Variants in COA1 observed in about 807,000 individuals in gnomAD.
COA1 encodes the protein cytochrome c oxidase assembly factor 1, also known as cytochrome c oxidase assembly factor 1 homolog.
A neutral mutation model predicts 16.0 loss-of-function variants in COA1; 13 were observed. The observed-to-expected ratio is 0.81, with a 90% confidence interval of 0.53 to 1.29. The LOEUF is 1.29. Among genes scored for constraint, COA1 ranks in the 50% most tolerant of loss-of-function variants. The probability of loss-of-function intolerance (pLI) is 0.00; values close to 1 mark genes in which losing one functional copy is unlikely to be tolerated. For missense variants in COA1, 179 were observed against 177.0 expected (o/e 1.01, Z -0.06); for synonymous variants, 65 against 65.7 (o/e 0.99, Z 0.05).
rs1271233453 is a variant in COA1, at chr7:43,691,277, G to GAAAAGA, written c.-39+38151_-39+38152insTCTTTT. 6.0e-3 allele frequency among the ~76,000 whole-genome samples: 176 copies of GAAAAGA among 29,402 alleles called. 6 individuals are homozygous for GAAAAGA. Among genetic ancestry groups the GAAAAGA allele is most frequent in the Middle Eastern group, 0.017 (1 of 58 alleles). 19.3% of individuals were successfully genotyped at this position (29,402 alleles called of 152,430 possible). ...AAAAGAAAGAAAGAAAAGAAAGAAAGAAAGAAAGAAAGAAAGAAAGAAAGA... is the reference window on the plus strand; with the variant it reads ...AAAAGAAAGAAAGAAAAGAAAGAAAGAAAAGAAAAGAAAGAAAGAAAGAAAGAAAGA... On this transcript the variant is annotated intron_variant, in intron 1 of 5. Transcript: ENST00000223336.
chr7:43,625,169 A>G (rs1404454298), intron 6 of COA1: 1 of 204,116 alleles, frequency 4.9e-6, no homozygotes, highest in Non-Finnish European at 9.9e-6. Context: ...AATCCAAGTA[A>G]AAGTGCCAAA....
chr7:43,618,432 GCA>G (rs1383047675), intron 6 of COA1, among the ~76,000 whole-genome samples: 2 of 152,152 alleles, frequency 1.3e-5, no homozygotes, highest in Non-Finnish European at 2.9e-5. Context: ...TTGATTTGGA[GCA>G]CAGATTGCCT....
downstream of COA1, among the ~76,000 whole-genome samples, chr7:43,637,148 T>C (rs1423832958): frequency 6.6e-6 from 1 of 152,228 alleles, no homozygotes; most frequent in Non-Finnish European, 1.5e-5. Flanking sequence ...CACTACTGCC[T>C]CTGGACAGCC....
chr7:43,659,301 TTGA>T (rs2092180392), intron 1 of COA1, among the ~76,000 whole-genome samples: 3 of 152,238 alleles, frequency 2.0e-5, no homozygotes, highest in Non-Finnish European at 4.4e-5. Flanking sequence ...TACAAAAAAC[TTGA>T]GCATTGAAAA....
intron 4 of COA1, among the ~76,000 whole-genome samples, chr7:43,644,789 G>GAGA (rs1442537142): frequency 0.011 from 1,100 of 104,198 alleles, 32 homozygotes; most frequent in African/African-American, 0.021. Context: ...CAGGCAGGCA[G>GAGA]GCAGAGAGAC....
chr7:43,633,612 TGACACA>T (rs1339589559), intron 6 of COA1, among the ~76,000 whole-genome samples: 1 of 152,090 alleles, frequency 6.6e-6, no homozygotes, highest in African/African-American at 2.4e-5. Context: ...TTACCAAATG[TGACACA>T]GACACAAAGT....
At chr7:43,700,291 A>C (rs570607866) in intron 1 of COA1, among the ~76,000 whole-genome samples, 41 of 152,260 alleles carry the variant, frequency 2.7e-4, no homozygotes, top group African/African-American at 9.9e-4. Flanking sequence ...AATACAGATG[A>C]TAGCTAACAT....
At chr7:43,629,398 A>C (rs1173018317) in intron 6 of COA1, among the ~76,000 whole-genome samples, 1 of 152,234 alleles carries the variant, frequency 6.6e-6, no homozygotes, top group Non-Finnish European at 1.5e-5. Context: ...GTAGTCATCC[A>C]ATCCATAAAC....
intron 6 of COA1, chr7:43,619,703 T>C (rs902851827): frequency 1.2e-6 from 2 of 1,613,938 alleles, no homozygotes; most frequent in Non-Finnish European, 1.7e-6. Flanking sequence ...CGAGAAATTA[T>C]GGGTACCCCT....
At chr7:43,687,646 G>T (rs2094099241) in intron 1 of COA1, among the ~76,000 whole-genome samples, 1 of 152,032 alleles carries the variant, frequency 6.6e-6, no homozygotes, top group South Asian at 2.1e-4. Context: ...CATGATAAAA[G>T]TTATTCAATA....
At chr7:43,645,124 C>T in intron 4 of COA1, 127 bp downstream of exon 4, 1 of 673,514 alleles carries the variant, frequency 1.5e-6, no homozygotes, top group South Asian at 4.1e-5. Flanking sequence ...TTTAAAGGTG[C>T]CAAACCTAGC....
chr7:43,649,989 C>G (rs2090425934), intron 1 of COA1: 2 of 152,490 alleles, frequency 1.3e-5, no homozygotes, highest in South Asian at 4.1e-4. Flanking sequence ...AAGAGCAGAA[C>G]AGCTTCAAAT....
intron 1 of COA1, among the ~76,000 whole-genome samples, chr7:43,710,712 G>A (rs1339544012): frequency 6.6e-6 from 1 of 152,098 alleles, no homozygotes; most frequent in Non-Finnish European, 1.5e-5. Context: ...ACAAACAATA[G>A]GATTCAGAAA....
At chr7:43,619,191 A>G (rs922731080) in intron 6 of COA1, among the ~76,000 whole-genome samples, 2 of 152,212 alleles carry the variant, frequency 1.3e-5, no homozygotes, top group Admixed American at 1.3e-4. Flanking sequence ...ATGAAGGCAG[A>G]TTCAGTCAAG....
chr7:43,726,834 C>T (rs2095626582), intron 1 of COA1, among the ~76,000 whole-genome samples: 1 of 152,122 alleles, frequency 6.6e-6, no homozygotes, highest in Non-Finnish European at 1.5e-5. Context: ...TCTTGCAACT[C>T]AATTACAAAA....
chr7:43,686,117 C>A (rs2094008762), intron 1 of COA1, among the ~76,000 whole-genome samples: 1 of 152,192 alleles, frequency 6.6e-6, no homozygotes, highest in African/African-American at 2.4e-5. Context: ...AAAACAAAAA[C>A]TGCTTTACCA....
chr7:43,650,863 G>T (rs1031069785), intron 1 of COA1, among the ~76,000 whole-genome samples: 2 of 151,440 alleles, frequency 1.3e-5, no homozygotes, highest in African/African-American at 4.9e-5. Flanking sequence ...AGCCGAAAGA[G>T]TGAGGACTCA....
chr7:43,635,727 T>TTTTA (rs1288497264), downstream of COA1, among the ~76,000 whole-genome samples: 1 of 152,216 alleles, frequency 6.6e-6, no homozygotes, highest in African/African-American at 2.4e-5. Context: ...TTCACTAATA[T>TTTTA]TTTATTTTGA....
intron 6 of COA1, chr7:43,625,383 C>CTA (rs376645116): frequency 2.6e-5 from 4 of 152,342 alleles, no homozygotes; most frequent in Non-Finnish European, 5.9e-5. Flanking sequence ...TTTCTTACTG[C>CTA]TTTATAGTGA....
Sources: gnomAD v4.1 joint callset for allele counts (sites outside exome capture counted in the v4.1 genomes callset) on GRCh38, gnomAD v4.1.1 for gene constraint, MANE v1.5 for transcripts, NCBI Gene and HGNC (gene_info 2026-07-23, HGNC 2026-07-21) for gene names.